DOCK10: variants seen among roughly 807,000 people sequenced by gnomAD.
The protein encoded by DOCK10 is dedicator of cytokinesis 10.
A neutral mutation model predicts 280.1 loss-of-function variants in DOCK10; 145 were observed. The observed-to-expected ratio is 0.52, with a 90% CI of 0.45 to 0.59. The LOEUF (loss-of-function observed/expected upper bound fraction) is 0.59, where lower values mean the gene tolerates loss of function less well. Ranked by LOEUF, DOCK10 falls within the 20% of genes least tolerant of loss-of-function variation. The probability of loss-of-function intolerance (pLI) is 0.00; values close to 1 mark genes in which losing one functional copy is unlikely to be tolerated. For synonymous variants in DOCK10, 915 were observed against 942.2 expected, an observed-to-expected ratio of 0.97 and a Z score of 0.53; for missense variants, 2,368 against 2,651.7, an observed-to-expected ratio of 0.89 and a Z score of 2.35.
chr2:224,849,743 A>G (rs766711295), intron 18 of DOCK10, 144 bp from the exon 19 acceptor site: 29 of 614,730 alleles, frequency 4.7e-5, no homozygotes, highest in Admixed American at 8.3e-5. Flanking sequence ...CATCTAATTA[A>G]CCTTGAACTT....
At chr2:224,791,592 T>C (rs1692198412) in intron 47 of DOCK10, among the ~76,000 whole-genome samples, 1 of 151,632 alleles carries the variant, frequency 6.6e-6, no homozygotes, top group South Asian at 2.1e-4. Context: ...GCCTCCTGAG[T>C]AGCTGGGATT....
chr2:224,857,105 A>G, intron 14 of DOCK10, 123 bp from the exon 15 acceptor site: 2 of 770,204 alleles, frequency 2.6e-6, no homozygotes, highest in Non-Finnish European at 3.7e-6. Context: ...CTTATAAAAT[A>G]AAAAGACCAA....
chr2:225,018,849 C>T (rs1265877151), intron 1 of DOCK10, among the ~76,000 whole-genome samples: 2 of 141,678 alleles, frequency 1.4e-5, no homozygotes, highest in Admixed American at 7.1e-5. Flanking sequence ...ATATGTATAT[C>T]GTTATATATG....
chr2:224,863,654 A>T (rs1195996144), intron 13 of DOCK10, among the ~76,000 whole-genome samples: 3 of 152,018 alleles, frequency 2.0e-5, no homozygotes, highest in Non-Finnish European at 4.4e-5. Context: ...GGGTTTCACC[A>T]TGTTAGCCAG....
At chr2:224,842,305 G>A (rs114832406) in intron 22 of DOCK10, among the ~76,000 whole-genome samples, 1 of 152,148 alleles carries the variant, frequency 6.6e-6, no homozygotes, top group South Asian at 2.1e-4. Context: ...AATATCTACA[G>A]GGCATATTTT....
chr2:225,034,154 G>A (rs901252176), intron 1 of DOCK10, among the ~76,000 whole-genome samples: 2 of 152,132 alleles, frequency 1.3e-5, no homozygotes, highest in South Asian at 2.1e-4. Context: ...CACTGCTTTC[G>A]CTGATGGATG....
intron 7 of DOCK10, among the ~76,000 whole-genome samples, chr2:224,884,710 G>A (rs1374585533): frequency 1.3e-5 from 2 of 152,152 alleles, no homozygotes; most frequent in Non-Finnish European, 2.9e-5. Context: ...TAGACTCTCT[G>A]GAATCAGTGG....
At chr2:224,785,479 A>G (rs111928848) in intron 50 of DOCK10, among the ~76,000 whole-genome samples, 2,771 of 152,072 alleles carry the variant, frequency 0.018, 80 homozygotes, top group African/African-American at 0.06. Flanking sequence ...TATTAATTCA[A>G]AGGTTAGCTT....
chr2:224,803,208 G>C (rs532778216), intron 39 of DOCK10, among the ~76,000 whole-genome samples: 1 of 152,068 alleles, frequency 6.6e-6, no homozygotes, highest in South Asian at 2.1e-4. Context: ...AGTGACCTCA[G>C]GTGGCTCACT....
chr2:225,003,991 T>C (rs1706507027), intron 1 of DOCK10, among the ~76,000 whole-genome samples: 1 of 152,206 alleles, frequency 6.6e-6, no homozygotes, highest in African/African-American at 2.4e-5. Context: ...TATCATAAAA[T>C]GATGATAACA....
intron 26 of DOCK10, among the ~76,000 whole-genome samples, chr2:224,830,920 TTTTATTTA>T (rs61701805): frequency 6.7e-5 from 10 of 148,534 alleles, no homozygotes; most frequent in East Asian, 1.9e-4. Context: ...CTAAACAAAC[TTTTATTTA>T]TTTATTTATT....
intron 55 of DOCK10, among the ~76,000 whole-genome samples, chr2:224,769,256 A>C (rs1473432981): frequency 6.6e-6 from 1 of 152,256 alleles, no homozygotes; most frequent in East Asian, 1.9e-4. Context: ...TGGAGAGTTA[A>C]AAATCAGGAT....
intron 1 of DOCK10, among the ~76,000 whole-genome samples, chr2:224,946,666 C>T (rs1005501091): frequency 2.6e-5 from 4 of 152,094 alleles, no homozygotes; most frequent in African/African-American, 9.7e-5. Flanking sequence ...TTGAGAACAG[C>T]GTGACTTCAA....
intron 2 of DOCK10, among the ~76,000 whole-genome samples, chr2:224,927,281 C>T (rs1039611122): frequency 2.6e-5 from 4 of 152,016 alleles, no homozygotes; most frequent in African/African-American, 9.7e-5. Flanking sequence ...ACATGGGGAA[C>T]CAGATGACAG....
At chr2:225,012,194 A>G (rs939894753) in intron 1 of DOCK10, among the ~76,000 whole-genome samples, 3 of 152,202 alleles carry the variant, frequency 2.0e-5, no homozygotes, top group African/African-American at 7.2e-5. Context: ...ACTTGCCATC[A>G]GTTCCACTGA....
chr2:224,830,072 C>T (rs1270128857), intron 27 of DOCK10, among the ~76,000 whole-genome samples: 1 of 152,146 alleles, frequency 6.6e-6, no homozygotes, highest in Admixed American at 6.5e-5. Flanking sequence ...GCCAAGGCTA[C>T]CCTCCCCCCA....
At chr2:224,857,084 A>C (rs1275281118) in intron 14 of DOCK10, 102 bp from the exon 15 acceptor site, 4 of 956,650 alleles carry the variant, frequency 4.2e-6, no homozygotes, top group Non-Finnish European at 5.6e-6. Context: ...TAATCAGAGA[A>C]ACTCTAAGAA....
intron 1 of DOCK10, among the ~76,000 whole-genome samples, chr2:224,986,610 GCTCTCTCTCT>G (rs34881146): frequency 6.7e-6 from 1 of 149,540 alleles, no homozygotes; most frequent in East Asian, 2.0e-4. Context: ...ATAAACACCA[GCTCTCTCTCT>G]CTCTCTCTCT....
intron 23 of DOCK10, 118 bp downstream of exon 23, chr2:224,841,686 T>A (rs1695971975): frequency 1.6e-6 from 1 of 613,928 alleles, no homozygotes. Context: ...ATTGATAAGG[T>A]ATTAAAAAAT....
Sources: gnomAD v4.1 joint callset for allele counts (sites outside exome capture counted in the v4.1 genomes callset) on GRCh38, gnomAD v4.1.1 for gene constraint, MANE v1.5 for transcripts, NCBI Gene and HGNC (gene_info 2026-07-23, HGNC 2026-07-21) for gene names.